CELSR3: variants seen among roughly 807,000 people sequenced by gnomAD.
The protein encoded by CELSR3 is EGF-like protein 1.
CELSR3 carries 73 observed loss-of-function variants against 270.0 expected under a neutral mutation model. That is an observed-to-expected ratio of 0.27 (90% CI 0.22 to 0.33). CELSR3 has a LOEUF of 0.33. Among genes scored for constraint, CELSR3 ranks in the 10% least tolerant of loss-of-function variants. The probability of loss-of-function intolerance (pLI) is 1.00; values close to 1 mark genes in which losing one functional copy is unlikely to be tolerated. For missense variants in CELSR3, 3,614 were observed against 4,533.8 expected (o/e 0.80, Z 5.83); for synonymous variants, 1,780 against 1,905.4 (o/e 0.93, Z 1.71).
Position 48,655,381 on chromosome 3 carries a change from G to T in CELSR3, c.4755C>A (p.Thr1585=). 6.2e-7 allele frequency: 1 copy of T among 1,614,084 alleles called. No individual in the cohort carries two copies. Among genetic ancestry groups the T allele is most frequent in the Non-Finnish European group, 8.5e-7 (1 of 1,179,966 alleles). The change falls in exon 5 of 35, where the codon ACC becomes ACA. Residue 1585 remains threonine, a synonymous_variant. Coordinates refer to ENST00000164024, the MANE Select transcript of CELSR3 (RefSeq NM_001407.3). The surrounding 1 kb of genome is among the most constrained non-coding windows in gnomAD (Gnocchi z 5.8). ...RLTYSTGESN[T]VVSPTVPGGL... ...CCCCTGGAACTGTGGGGCTGACCAC[G>T]GTGTTGGATTCACCTGGAGGGGAGA...
In CELSR3 at chr3:48,640,954, C is replaced by T. The variant is rs2047020795; in HGVS notation, c.9025+370G>A. 2.7e-6 allele frequency: 1 copy of T among 371,330 alleles called. No homozygotes were observed. The highest frequency in any genetic ancestry group is 4.4e-5 in the Admixed American group (1 of 22,928). The allele number at this position is 371,330 out of a possible 1,614,324, so 23.0% of individuals were successfully genotyped here. On this transcript the variant is annotated intron_variant, in intron 33 of 34. Coordinates refer to ENST00000164024, the MANE Select transcript of CELSR3 (RefSeq NM_001407.3). The surrounding 1 kb of genome is among the most constrained non-coding windows in gnomAD (Gnocchi z 7.5). Reference sequence around the variant, plus strand: ...GTGATGCAAGGGTGAGGGCAGAAACCTCTTCTCCGGGTCCCCATAAAAGCA... The same window carrying T: ...GTGATGCAAGGGTGAGGGCAGAAACTTCTTCTCCGGGTCCCCATAAAAGCA...
Position 48,648,938 on chromosome 3 carries a change from C to T in CELSR3, c.6568-10G>A, listed in dbSNP as rs1362263469. On this transcript the variant is annotated splice_polypyrimidine_tract_variant and intron_variant, in intron 17 of 34. Transcript: ENST00000164024. ...GCTCTAGGCCATCCAGCTGCCAAGA[C>T]AAGGAGATGGTTGCTCTGTGGTCCC... is the stretch of plus-strand genomic sequence containing the variant. The T allele has an allele frequency of 6.2e-7, 1 of 1,612,536 alleles. No homozygotes were observed. Among genetic ancestry groups the T allele is most frequent in the Non-Finnish European group, 8.5e-7 (1 of 1,179,786 alleles).
rs2047013508 is a variant in CELSR3 at position 48,640,310 on chromosome 3, A to ACAGGGG, written c.9269_9274dup (p.Ala3090_Pro3091dup). 1.9e-5 allele frequency: 31 copies of ACAGGGG among 1,611,490 alleles called. No individual in the cohort carries two copies. The highest frequency in any genetic ancestry group is 2.5e-5 in the Non-Finnish European group (30 of 1,178,844). On this transcript the variant is annotated inframe_insertion, in exon 34 of 35. Transcript: ENST00000164024. This position sits in a 1 kb window ranked among gnomAD's most constrained non-coding sequence, Gnocchi z 7.5. ...CCCTGGCCGGCTCAGGGGACGTAGAACAGGGGCAGGGGCTTCCTCTAGTCG... is the reference window on the plus strand; with the variant it reads ...CCCTGGCCGGCTCAGGGGACGTAGAACAGGGGCAGGGGCAGGGGCTTCCTCTAGTCG...
In CELSR3 at chr3:48,653,757, G is replaced by A. The variant is rs146204269; in HGVS notation, c.5310C>T (p.Asn1770=). The A allele has an allele frequency of 5.1e-4, 822 of 1,614,194 alleles. 1 individual carries two copies. The highest frequency in any genetic ancestry group is 5.8e-4 in the Non-Finnish European group (688 of 1,180,036). Residue 1770 remains asparagine (N), a synonymous_variant, in exon 9 of 35, where the codon AAC becomes AAT. Coordinates refer to ENST00000164024, the MANE Select transcript of CELSR3 (RefSeq NM_001407.3). This position sits in a 1 kb window ranked among gnomAD's most constrained non-coding sequence, Gnocchi z 6.5. The stretch of plus-strand genomic sequence containing the variant: ...TTCCAAAGTTCCAGCTCAGTGTGCC[G>A]TTGCCACGGAAATGGTGGGGATGGG... The part of the protein sequence containing the change: ...TMAHPHHFRG[N]GTLSWNFGSD...
At position 48,652,591 on chromosome 3, in the gene CELSR3, G is replaced by T. The variant is rs749584000; in HGVS notation, c.5635-38C>A. On this transcript the variant is annotated intron_variant, in intron 10 of 34. Transcript: ENST00000164024. The surrounding 1 kb of genome is among the most constrained non-coding windows in gnomAD (Gnocchi z 4.3). ...GGGCAGTCAGCACTGAGGGAGAGGG[G>T]CCTGATGAACCCCTGTCATAGCCCA... is the stretch of plus-strand genomic sequence containing the variant. 4 of 1,491,316 alleles carry T rather than the reference G, an allele frequency of 2.7e-6. No homozygotes were observed. In the East Asian group the frequency reaches 6.8e-5, roughly 25 times the overall value. 92.4% of individuals were successfully genotyped at this position (1,491,316 alleles called of 1,614,324 possible).
rs2077053912 is a variant in CELSR3 at position 48,659,874 on chromosome 3, A to G, written c.2761T>C (p.Tyr921His). ...AGGGTGTAGGTCACCTGGTCCTCAT[A>G]GTCTAATGGGGCCTGTAATGTAATG... Reference protein sequence around the residue: ...GAITLQAPLDYEDQVTYTLAI... With the variant: ...GAITLQAPLDHEDQVTYTLAI... The change falls in exon 1 of 35, where the codon TAT (tyrosine) becomes CAT (histidine). Residue 921 changes from tyrosine to histidine, a missense_variant. Around this residue, in one of 7 missense-constraint regions of CELSR3, gnomAD observed 1,331 missense variants for 1,933.7 expected, o/e 0.69. Coordinates refer to ENST00000164024, the MANE Select transcript of CELSR3 (RefSeq NM_001407.3). The surrounding 1 kb of genome is among the most constrained non-coding windows in gnomAD (Gnocchi z 8.1). The G allele has an allele frequency of 6.2e-7, 1 of 1,613,786 alleles. No individual in the cohort carries two copies. The highest frequency in any genetic ancestry group is 1.3e-5 in the African/African-American group (1 of 74,788).
chr3:48,648,703 T>C lies in CELSR3; in HGVS notation c.6777+16A>G, dbSNP rs746489503. On this transcript the variant is annotated intron_variant, in intron 18 of 34. Transcript: ENST00000164024. ...CTGGGGGGCCAAGGCACTGAGAACA[T>C]AGGGCACAGCCCCACCTCATTGAAG... is the stretch of plus-strand genomic sequence containing the variant. The C allele has an allele frequency of 1.3e-5, 21 of 1,606,026 alleles. No individual in the cohort carries two copies. Among genetic ancestry groups the C allele is most frequent in the South Asian group, 4.4e-5 (4 of 90,946 alleles).
rs757943616 is a variant in CELSR3, at chr3:48,645,706, C to G, written c.7590+36G>C. ...GGGCAGAATCCCCGTGTCCCTTTGA[C>G]CCCCCACTTCCTTGGGACACTGAAC... On this transcript the variant is annotated intron_variant, in intron 23 of 34. Coordinates refer to ENST00000164024, the MANE Select transcript of CELSR3 (RefSeq NM_001407.3). This position sits in a 1 kb window ranked among gnomAD's most constrained non-coding sequence, Gnocchi z 5.4. The G allele has an allele frequency of 3.1e-6, 5 of 1,599,564 alleles. No homozygotes were observed. In the Admixed American group the frequency reaches 6.7e-5, roughly 21 times the overall value.
chr3:48,640,642 G>C lies in CELSR3; in HGVS notation c.9026-83C>G. On this transcript the variant is annotated intron_variant, in intron 33 of 34. Transcript: ENST00000164024. This position sits in a 1 kb window ranked among gnomAD's most constrained non-coding sequence, Gnocchi z 7.5. ...AATTGCTGAGTCTAGGGGTGTGGCA[G>C]CCCTTGGGATCCTTCCAACACAGGG... 1 of 1,389,132 alleles carries C rather than the reference G, an allele frequency of 7.2e-7. No homozygotes were observed. Among genetic ancestry groups the C allele is most frequent in the Non-Finnish European group, 9.6e-7 (1 of 1,042,162 alleles). 86.1% of individuals were successfully genotyped at this position (1,389,132 alleles called of 1,614,324 possible).
Position 48,645,935 on chromosome 3 carries a change from G to T in CELSR3, c.7464-67C>A. On this transcript the variant is annotated intron_variant, in intron 22 of 34. Transcript: ENST00000164024. The surrounding 1 kb of genome is among the most constrained non-coding windows in gnomAD (Gnocchi z 5.4). ...CAGGCAGGGGTTTGTGAGAGATCATGGGAAGGGCTGAGGGTGCCTGGAGTT... is the reference window on the plus strand; with the variant it reads ...CAGGCAGGGGTTTGTGAGAGATCATTGGAAGGGCTGAGGGTGCCTGGAGTT... The T allele has an allele frequency of 6.4e-7, 1 of 1,574,742 alleles. No individual in the cohort carries two copies. Among genetic ancestry groups the T allele is most frequent in the South Asian group, 1.1e-5 (1 of 88,270 alleles).
Position 48,650,730 on chromosome 3 carries a change from G to T in CELSR3, c.6371-149C>A. 1 of 1,036,794 alleles carries T rather than the reference G, an allele frequency of 9.6e-7. No homozygotes were observed. Among genetic ancestry groups the T allele is most frequent in the Non-Finnish European group, 1.4e-6 (1 of 718,080 alleles). The allele number at this position is 1,036,794 out of a possible 1,614,324, so 64.2% of individuals were successfully genotyped here. ...GCTGACCTGTCAGATTCTGTGACAG[G>T]TCAGCAAAGTACTTGGGGCAAAGGT... On this transcript the variant is annotated intron_variant, in intron 15 of 34. Coordinates refer to ENST00000164024, the MANE Select transcript of CELSR3 (RefSeq NM_001407.3). This position sits in a 1 kb window ranked among gnomAD's most constrained non-coding sequence, Gnocchi z 5.1.
Position 48,651,775 on chromosome 3 carries a change from G to C in CELSR3, c.5924-57C>G. The C allele has an allele frequency of 6.5e-7, 1 of 1,533,558 alleles. No homozygotes were observed. The highest frequency in any genetic ancestry group is 1.3e-5 in the South Asian group (1 of 77,706). The allele number at this position is 1,533,558 out of a possible 1,614,324, so 95.0% of individuals were successfully genotyped here. On this transcript the variant is annotated intron_variant, in intron 12 of 34. Coordinates refer to ENST00000164024, the MANE Select transcript of CELSR3 (RefSeq NM_001407.3). The surrounding 1 kb of genome is among the most constrained non-coding windows in gnomAD (Gnocchi z 7.4). Reference sequence around the variant, plus strand: ...GGTCGCAGAGCATGGAAGGAAGCAGGCACCCGTCCCGAGTCCCTGCCTCCT... The same window carrying C: ...GGTCGCAGAGCATGGAAGGAAGCAGCCACCCGTCCCGAGTCCCTGCCTCCT...
At position 48,644,199 on chromosome 3, in the gene CELSR3, C is replaced by T. The variant is rs765189900; in HGVS notation, c.8165+17G>A. 2 of 1,598,528 alleles carry T rather than the reference C, an allele frequency of 1.3e-6. No individual in the cohort carries two copies. Among genetic ancestry groups the T allele is most frequent in the Non-Finnish European group, 8.6e-7 (1 of 1,167,992 alleles). On this transcript the variant is annotated intron_variant, in intron 27 of 34. Coordinates refer to ENST00000164024, the MANE Select transcript of CELSR3 (RefSeq NM_001407.3). This position sits in a 1 kb window ranked among gnomAD's most constrained non-coding sequence, Gnocchi z 4.8. ...TGCCATCCTGAGAAGCCCCCTTCCTCCAGCCAGCCAACTCACAGTGCAGAG... is the reference window on the plus strand; with the variant it reads ...TGCCATCCTGAGAAGCCCCCTTCCTTCAGCCAGCCAACTCACAGTGCAGAG...
chr3:48,653,052 G>A lies in CELSR3; in HGVS notation c.5584C>T (p.Arg1862Trp), dbSNP rs748113150. The A allele has an allele frequency of 1.1e-4, 170 of 1,613,032 alleles. No individual in the cohort carries two copies. Among genetic ancestry groups the A allele is most frequent in the East Asian group, 2.0e-4 (9 of 44,888 alleles). The change falls in exon 10 of 35, where the codon CGG becomes TGG. Residue 1862 changes from arginine (R) to tryptophan (W), a missense_variant. Arg to Trp is a moderately radical substitution (Grantham distance 101). Transcript: ENST00000164024. This position sits in a 1 kb window ranked among gnomAD's most constrained non-coding sequence, Gnocchi z 6.5. Reference sequence around the variant, plus strand: ...ACCATAAGGACATGGTGGCCCCGCCGGCCACCTGGTTCCTCCTGCAACTCC... The same window carrying A: ...ACCATAAGGACATGGTGGCCCCGCCAGCCACCTGGTTCCTCCTGCAACTCC... ...RLELQEEPGG[R>W]RGHHVLMVSL...
In CELSR3 at chr3:48,644,758, G is replaced by A; in HGVS notation, c.8043C>T (p.Pro2681=). ...CAGGGCCAGCAAAGCTCCAGATGAG[G>A]GGCTCGTGGACTGAGATCCAGCAGA... ...PDFCWISVHE[P]LIWSFAGPVV... The change falls in exon 26 of 35, where the codon CCC becomes CCT. Residue 2681 remains proline (P), a synonymous_variant. Coordinates refer to ENST00000164024, the MANE Select transcript of CELSR3 (RefSeq NM_001407.3). This position sits in a 1 kb window ranked among gnomAD's most constrained non-coding sequence, Gnocchi z 4.8. 4 of 1,613,556 alleles carry A rather than the reference G, an allele frequency of 2.5e-6. No homozygotes were observed. Among genetic ancestry groups the A allele is most frequent in the Non-Finnish European group, 2.5e-6 (3 of 1,179,968 alleles).
chr3:48,648,256 CA>C lies in CELSR3; in HGVS notation c.6973+9del. ...CTGCTGTGCCCCGCCCTACCCCACC[CA>C]CAACGCACTGATATTAGGCGTCACC... On this transcript the variant is annotated intron_variant, in intron 19 of 34. Coordinates refer to ENST00000164024, the MANE Select transcript of CELSR3 (RefSeq NM_001407.3). The C allele has an allele frequency of 1.9e-6, 3 of 1,599,002 alleles. No individual in the cohort carries two copies. Among genetic ancestry groups the C allele is most frequent in the East Asian group, 2.3e-5 (1 of 44,304 alleles).
Position 48,655,857 on chromosome 3 carries a change from C to CGGGGTGGGAGGGGGTTGCG in CELSR3, c.4626-25_4626-7dup. The CGGGGTGGGAGGGGGTTGCG allele has an allele frequency of 1.1e-5, 2 of 187,164 alleles. No homozygotes were observed. The highest frequency in any genetic ancestry group is 2.1e-5 in the Non-Finnish European group (2 of 95,144). 11.6% of individuals were successfully genotyped at this position (187,164 alleles called of 1,614,324 possible). On this transcript the variant is annotated splice_region_variant and splice_polypyrimidine_tract_variant and intron_variant, in intron 3 of 34. Coordinates refer to ENST00000164024, the MANE Select transcript of CELSR3 (RefSeq NM_001407.3). This position sits in a 1 kb window ranked among gnomAD's most constrained non-coding sequence, Gnocchi z 5.8. ...TCTGCTGCACTGTCGCGAACCTGGG[C>CGGGGTGGGAGGGGGTTGCG]GGGGTGGGAGGGGGTTGCGGGGGTG...
At chr3:48,649,370 C>T (rs979559127) in intron 16 of CELSR3, among the ~76,000 whole-genome samples, 155 bp from the exon 17 acceptor site, 3 of 152,222 alleles carry the variant, frequency 2.0e-5, no homozygotes, top group Non-Finnish European at 2.9e-5. Flanking sequence ...GGCCCAAGCC[C>T]AGGTAGGCCC....
rs2047143865 is a variant in CELSR3, at chr3:48,652,213, C to T, written c.5752-165G>A. 6.6e-6 allele frequency among the ~76,000 whole-genome samples: 1 copy of T among 152,160 alleles called. No individual in the cohort carries two copies. Among genetic ancestry groups the T allele is most frequent in the African/African-American group, 2.4e-5 (1 of 41,424 alleles). ...CCCCAATTTGGTACCCCTGTGGGACCCTAATTGTGCTGTTTCTGACACAGA... is the reference window on the plus strand; with the variant it reads ...CCCCAATTTGGTACCCCTGTGGGACTCTAATTGTGCTGTTTCTGACACAGA... On this transcript the variant is annotated intron_variant, in intron 11 of 34. Transcript: ENST00000164024. The surrounding 1 kb of genome is among the most constrained non-coding windows in gnomAD (Gnocchi z 4.3).
Sources: allele counts gnomAD v4.1 joint callset (sites outside exome capture counted in the v4.1 genomes callset), GRCh38; gene constraint gnomAD v4.1.1; regional missense constraint gnomAD v4.1.1; non-coding constraint Gnocchi (gnomAD v3.1); transcripts MANE v1.5; gene names NCBI Gene and HGNC (gene_info 2026-07-23, HGNC 2026-07-21).